Variants in RBBP4 observed in about 807,000 individuals in gnomAD.
RBBP4 encodes RB binding protein 4, chromatin remodeling factor.
In RBBP4, 3 loss-of-function variants were observed where a neutral mutation model predicts 57.2. The observed-to-expected ratio is 0.05, with a 90% CI of 0.02 to 0.14. The LOEUF (loss-of-function observed/expected upper bound fraction) is 0.14. Ranked by LOEUF, RBBP4 falls within the 10% of genes least tolerant of loss-of-function variation. The pLI is 1.00. For missense variants in RBBP4, 107 were observed against 520.6 expected, an observed-to-expected ratio of 0.21 and a Z score of 7.73; for synonymous variants, 151 against 171.5, an observed-to-expected ratio of 0.88 and a Z score of 0.93.
intron 8 of RBBP4, 108 bp from the exon 9 acceptor site, chr1:32,672,342 C>T (rs1648914885): frequency 3.4e-6 from 3 of 870,830 alleles, no homozygotes; most frequent in South Asian, 3.7e-5. Flanking sequence ...ACCTTGACTT[C>T]CTCTTCCCTT....
intron 3 of RBBP4, among the ~76,000 whole-genome samples, chr1:32,658,735 A>G (rs992920477): frequency 1.3e-5 from 2 of 151,756 alleles, no homozygotes; most frequent in Non-Finnish European, 2.9e-5. Flanking sequence ...TTTAGTAGAG[A>G]CAGGGTTTCA....
At chr1:32,671,738 C>G (rs539031737) in intron 8 of RBBP4, among the ~76,000 whole-genome samples, 3 of 150,478 alleles carry the variant, frequency 2.0e-5, no homozygotes, top group African/African-American at 7.3e-5. Flanking sequence ...TACACAAATA[C>G]AAAAATTAGC....
chr1:32,659,921 C>T (rs1648325735), intron 3 of RBBP4, among the ~76,000 whole-genome samples: 1 of 152,150 alleles, frequency 6.6e-6, no homozygotes, highest in Non-Finnish European at 1.5e-5. Flanking sequence ...AATGTTGTAT[C>T]AAAGGGCAGG....
At chr1:32,664,948 C>G (rs940207670) in intron 3 of RBBP4, among the ~76,000 whole-genome samples, 7 of 152,024 alleles carry the variant, frequency 4.6e-5, no homozygotes, top group African/African-American at 1.7e-4. Context: ...ATGTACATAC[C>G]TTAATTTGAA....
At position 32,676,552 on chromosome 1, in the gene RBBP4, C is replaced by G. The variant is rs555832193; in HGVS notation, c.1213-3088C>G. ...TTGAACCCAGGAGGCGGAGGAGTTGCGGTGAGCCAAGATCGCACCATTGCA... is the reference window on the plus strand; with the variant it reads ...TTGAACCCAGGAGGCGGAGGAGTTGGGGTGAGCCAAGATCGCACCATTGCA... On this transcript the variant is annotated intron_variant, in intron 11 of 11. Transcript: ENST00000373493. Among the ~76,000 whole-genome samples, 13 of 147,440 alleles carry G rather than the reference C, an allele frequency of 8.8e-5. No homozygotes were observed. The East Asian group carries it at 2.4e-3, about 27-fold the overall frequency.
chr1:32,657,765 T>C (rs1409269198), intron 3 of RBBP4, 193 bp downstream of exon 3: 2 of 557,154 alleles, frequency 3.6e-6, no homozygotes, highest in South Asian at 4.0e-5. Context: ...CTTGGTTCTG[T>C]ACCTTCACAA....
intron 3 of RBBP4, 157 bp downstream of exon 3, chr1:32,657,729 G>C (rs1648204632): frequency 1.2e-6 from 1 of 812,240 alleles, no homozygotes; most frequent in African/African-American, 1.8e-5. Flanking sequence ...AGAGTTTTAG[G>C]TATCAGAAGA....
chr1:32,658,046 T>C (rs1648220951), intron 3 of RBBP4, among the ~76,000 whole-genome samples: 1 of 152,004 alleles, frequency 6.6e-6, no homozygotes, highest in Admixed American at 6.6e-5. Context: ...GGAGACAGGG[T>C]TTCACCAAGT....
rs200279844 is a variant in RBBP4, at chr1:32,684,115, A to C, written c.*4410A>C. The C allele has an allele frequency of 1.9e-6, 3 of 1,612,238 alleles. No individual in the cohort carries two copies. In the Admixed American group the frequency reaches 5.0e-5, roughly 27 times the overall value. Reference sequence around the variant, plus strand: ...CTTTAAAAAGAGAGAGCCATTTTCCATGTGTTTTTGGATAAGCACAATTTG... The same window carrying C: ...CTTTAAAAAGAGAGAGCCATTTTCCCTGTGTTTTTGGATAAGCACAATTTG... On this transcript the variant is annotated 3_prime_UTR_variant, in exon 12 of 12. Transcript: ENST00000373493.
intron 3 of RBBP4, among the ~76,000 whole-genome samples, chr1:32,660,394 C>T (rs1648348745): frequency 7.1e-6 from 1 of 140,956 alleles, no homozygotes; most frequent in Non-Finnish European, 1.5e-5. Context: ...CAGACATACA[C>T]CACCATACCT....
At position 32,682,737 on chromosome 1, in the gene RBBP4, C is replaced by CTCCAT. The variant is rs1464170032; in HGVS notation, c.*3036_*3037insTTCCA. ...AGTGAACTGAGACCGTGCCACTGCA[C>CTCCAT]TCCAGCCTGGGTGGCAGAGCGAGAC... On this transcript the variant is annotated 3_prime_UTR_variant, in exon 12 of 12. Transcript: ENST00000373493. 1 of 147,446 alleles carries CTCCAT rather than the reference C, an allele frequency of 6.8e-6. No homozygotes were observed. The allele number at this position is 147,446 out of a possible 1,614,324, so 9.1% of individuals were successfully genotyped here.
intron 8 of RBBP4, among the ~76,000 whole-genome samples, chr1:32,671,735 A>T (rs1192859565): frequency 6.6e-6 from 1 of 151,652 alleles, no homozygotes; most frequent in Non-Finnish European, 1.5e-5. Flanking sequence ...CTCTACACAA[A>T]TACAAAAATT....
intron 3 of RBBP4, among the ~76,000 whole-genome samples, chr1:32,664,812 T>C (rs1040651326): frequency 6.7e-6 from 1 of 150,292 alleles, no homozygotes; most frequent in South Asian, 2.1e-4. Flanking sequence ...CTCAGAGATA[T>C]GATGGGGGTT....
intron 3 of RBBP4, among the ~76,000 whole-genome samples, chr1:32,667,798 T>C (rs1177135548): frequency 6.6e-6 from 1 of 152,200 alleles, no homozygotes; most frequent in African/African-American, 2.4e-5. Flanking sequence ...GGCATAATGT[T>C]TACACATAAC....
chr1:32,674,984 T>C (rs988533429), intron 11 of RBBP4, among the ~76,000 whole-genome samples: 1 of 151,954 alleles, frequency 6.6e-6, no homozygotes, highest in African/African-American at 2.4e-5. Context: ...TGATCCGCCC[T>C]CTTTGGCCTC....
chr1:32,651,733 G>A (rs1204184096), intron 1 of RBBP4, 181 bp from the exon 2 acceptor site: 1 of 829,348 alleles, frequency 1.2e-6, no homozygotes, highest in Non-Finnish European at 1.8e-6. Context: ...AGTGTTTGGC[G>A]GGGATGGCCC....
chr1:32,684,305 C>G lies in RBBP4; in HGVS notation c.*4600C>G. On this transcript the variant is annotated 3_prime_UTR_variant, in exon 12 of 12. Transcript: ENST00000373493. Reference sequence around the variant, plus strand: ...CAAGACTGAGCCTTAGCTGTTCCATCTCTTTGTTCTTCTGTTGCTGGAGTT... The same window carrying G: ...CAAGACTGAGCCTTAGCTGTTCCATGTCTTTGTTCTTCTGTTGCTGGAGTT... 2 of 1,614,202 alleles carry G rather than the reference C, an allele frequency of 1.2e-6. No individual in the cohort carries two copies. Among genetic ancestry groups the G allele is most frequent in the African/African-American group, 1.3e-5 (1 of 75,066 alleles).
At chr1:32,668,631 A>G (rs1557857498) in intron 4 of RBBP4, 108 bp from the exon 5 acceptor site, 1 of 921,912 alleles carries the variant, frequency 1.1e-6, no homozygotes, top group Non-Finnish European at 1.7e-6. Context: ...TTCCTATATC[A>G]TTTATAAATG....
chr1:32,684,388 T>G lies in RBBP4; in HGVS notation c.*4683T>G. The G allele has an allele frequency of 6.2e-7, 1 of 1,614,186 alleles. No homozygotes were observed. The highest frequency in any genetic ancestry group is 8.5e-7 in the Non-Finnish European group (1 of 1,180,042). On this transcript the variant is annotated 3_prime_UTR_variant, in exon 12 of 12. Transcript: ENST00000373493. ...TCCATTTCCTCCAGCTGTTCCTGCA[T>G]GAGATGGCCAAGAACATTTCTAATG...
Sources: allele counts gnomAD v4.1 joint callset (sites outside exome capture counted in the v4.1 genomes callset), GRCh38; gene constraint gnomAD v4.1.1; transcripts MANE v1.5; gene names NCBI Gene and HGNC (gene_info 2026-07-23, HGNC 2026-07-21).